KIF16B: variants seen among roughly 807,000 people sequenced by gnomAD.
The protein encoded by KIF16B is kinesin-like protein KIF16B.
A neutral mutation model predicts 156.3 loss-of-function variants in KIF16B; 98 were observed. The ratio of observed to expected loss-of-function variants is 0.63; its 90% CI spans 0.53 to 0.74. The LOEUF is 0.74. Among genes scored for constraint, KIF16B ranks in the 30% least tolerant of loss-of-function variants. KIF16B has a pLI of 0.00. For synonymous variants in KIF16B, 564 were observed against 583.7 expected (o/e 0.97, Z 0.49); for missense variants, 1,421 against 1,606.5 (o/e 0.88, Z 1.97).
chr20:16,507,336 A>G (rs2068815423), intron 7 of KIF16B, among the ~76,000 whole-genome samples: 2 of 152,156 alleles, frequency 1.3e-5, no homozygotes, highest in Non-Finnish European at 2.9e-5. Context: ...CTGTTAACCC[A>G]GATAAGGACA....
chr20:16,302,321 GT>G (rs1424843019), intron 25 of KIF16B, among the ~76,000 whole-genome samples: 2 of 152,130 alleles, frequency 1.3e-5, no homozygotes, highest in East Asian at 3.8e-4. Context: ...GTCTAGATTG[GT>G]TTTTTTGCAT....
intron 3 of KIF16B, among the ~76,000 whole-genome samples, chr20:16,524,998 G>A (rs2069487677): frequency 6.6e-6 from 1 of 152,088 alleles, no homozygotes; most frequent in Admixed American, 6.6e-5. Flanking sequence ...GACACAGGGA[G>A]GGGAACATCA....
At chr20:16,433,538 A>G (rs1453970320) in intron 12 of KIF16B, among the ~76,000 whole-genome samples, 1 of 152,044 alleles carries the variant, frequency 6.6e-6, no homozygotes, top group African/African-American at 2.4e-5. Flanking sequence ...CAAAGCCATT[A>G]GGTCAAAAGT....
chr20:16,458,283 A>G (rs961466745), intron 12 of KIF16B, among the ~76,000 whole-genome samples: 1 of 152,250 alleles, frequency 6.6e-6, no homozygotes, highest in African/African-American at 2.4e-5. Context: ...ATATAAAGAG[A>G]AAATGTTAAA....
chr20:16,316,881 C>T (rs1456070143), intron 24 of KIF16B, among the ~76,000 whole-genome samples: 2 of 152,218 alleles, frequency 1.3e-5, no homozygotes, highest in African/African-American at 2.4e-5. Flanking sequence ...GGACAAATAA[C>T]TGTGCCTGGA....
At chr20:16,439,389 T>C (rs74502610) in intron 12 of KIF16B, among the ~76,000 whole-genome samples, 18,995 of 152,134 alleles carry the variant, frequency 0.12, 1,297 homozygotes, top group Non-Finnish European at 0.17. Context: ...CCCACACGTT[T>C]GGAATAAAAT....
At chr20:16,443,722 G>T (rs989005414) in intron 12 of KIF16B, among the ~76,000 whole-genome samples, 1 of 152,188 alleles carries the variant, frequency 6.6e-6, no homozygotes, top group Non-Finnish European at 1.5e-5. Context: ...CTCAGATTAT[G>T]CAGGAGAGGA....
At chr20:16,569,073 C>T in intron 1 of KIF16B, among the ~76,000 whole-genome samples, 1 of 152,028 alleles carries the variant, frequency 6.6e-6, no homozygotes, top group East Asian at 1.9e-4. Flanking sequence ...AGTCTGTTTG[C>T]TCCTGCCACG....
intron 1 of KIF16B, among the ~76,000 whole-genome samples, chr20:16,565,077 G>C (rs750565813): frequency 8.2e-5 from 12 of 146,874 alleles, no homozygotes; most frequent in Non-Finnish European, 1.6e-4. Flanking sequence ...TAGTAACTAT[G>C]ATTTAGTGGA....
At chr20:16,557,846 C>T (rs2147338027) in intron 1 of KIF16B, among the ~76,000 whole-genome samples, 1 of 152,248 alleles carries the variant, frequency 6.6e-6, no homozygotes, top group East Asian at 1.9e-4. Flanking sequence ...GTACGGGTTC[C>T]CATTTTTCAT....
intron 20 of KIF16B, among the ~76,000 whole-genome samples, chr20:16,373,177 C>A (rs1233869514): frequency 6.6e-6 from 1 of 151,768 alleles, no homozygotes; most frequent in Non-Finnish European, 1.5e-5. Context: ...TAAAAGAGCC[C>A]AAATAAAGCA....
At chr20:16,493,425 G>T (rs1304771136) in intron 12 of KIF16B, among the ~76,000 whole-genome samples, 1 of 152,222 alleles carries the variant, frequency 6.6e-6, no homozygotes, top group Admixed American at 6.5e-5. Flanking sequence ...ATTCTCACAT[G>T]AAGGTGATCC....
intron 17 of KIF16B, among the ~76,000 whole-genome samples, chr20:16,391,741 C>A (rs553573311): frequency 9.2e-5 from 14 of 152,294 alleles, no homozygotes; most frequent in African/African-American, 2.9e-4. Flanking sequence ...AGAGAAGAAT[C>A]ATGGCCCAAG....
intron 12 of KIF16B, among the ~76,000 whole-genome samples, chr20:16,490,012 A>T (rs2068239390): frequency 6.6e-6 from 1 of 152,046 alleles, no homozygotes; most frequent in Admixed American, 6.5e-5. Flanking sequence ...CATCACTGGG[A>T]CAGGACCGCC....
intron 12 of KIF16B, among the ~76,000 whole-genome samples, chr20:16,470,142 T>C (rs377688829): frequency 1.6e-4 from 25 of 152,196 alleles, no homozygotes; most frequent in African/African-American, 6.0e-4. Flanking sequence ...GGCAAAACTA[T>C]GGAAAAAGTA....
intron 17 of KIF16B, among the ~76,000 whole-genome samples, chr20:16,386,148 G>A (rs970272857): frequency 2.0e-5 from 3 of 152,096 alleles, no homozygotes; most frequent in Non-Finnish European, 2.9e-5. Context: ...GAGTGGGTGA[G>A]GTTACCCAGG....
chr20:16,516,471 C>A (rs1407671520), intron 3 of KIF16B, among the ~76,000 whole-genome samples: 1 of 152,192 alleles, frequency 6.6e-6, no homozygotes, highest in Non-Finnish European at 1.5e-5. Context: ...TTCATGTAGT[C>A]TCCTGTCCTC....
chr20:16,458,344 T>C (rs934226719), intron 12 of KIF16B, among the ~76,000 whole-genome samples: 3 of 152,254 alleles, frequency 2.0e-5, no homozygotes, highest in African/African-American at 7.2e-5. Flanking sequence ...CTTGATTACT[T>C]GCCTTTGTCA....
intron 12 of KIF16B, among the ~76,000 whole-genome samples, chr20:16,438,494 GGTTCATATT>G (rs1411062126): frequency 6.6e-6 from 1 of 152,054 alleles, no homozygotes; most frequent in Non-Finnish European, 1.5e-5. Flanking sequence ...GTGTATATAG[GGTTCATATT>G]GTTTGCAATT....
Sources: allele counts gnomAD v4.1 joint callset (sites outside exome capture counted in the v4.1 genomes callset), GRCh38; gene constraint gnomAD v4.1.1; transcripts MANE v1.5; gene names NCBI Gene and HGNC (gene_info 2026-07-23, HGNC 2026-07-21).